Variants in PIGF observed in about 807,000 individuals in gnomAD.
PIGF encodes the protein phosphatidylinositol glycan anchor biosynthesis class F.
A neutral mutation model predicts 26.0 loss-of-function variants in PIGF; 23 were observed. That is an observed-to-expected ratio of 0.88 (90% CI 0.64 to 1.25). PIGF has a LOEUF of 1.25. Among genes scored for constraint, PIGF ranks in the 50% most tolerant of loss-of-function variants. PIGF has a pLI of 0.00. For missense variants in PIGF, 278 were observed against 249.9 expected (o/e 1.11, Z -0.76); for synonymous variants, 93 against 92.6 (o/e 1.00, Z -0.03).
At chr2:46,598,851 A>G (rs1180676677) in intron 4 of PIGF, among the ~76,000 whole-genome samples, 1 of 152,198 alleles carries the variant, frequency 6.6e-6, no homozygotes, top group Non-Finnish European at 1.5e-5. Context: ...CAATAACACT[A>G]TTTTTAAACA....
chr2:46,600,824 T>C (rs567394880), intron 4 of PIGF, among the ~76,000 whole-genome samples: 1 of 152,138 alleles, frequency 6.6e-6, no homozygotes, highest in East Asian at 1.9e-4. Flanking sequence ...AGGTAGATTA[T>C]ACACACACAC....
intron 4 of PIGF, among the ~76,000 whole-genome samples, chr2:46,600,644 A>G (rs1359217004): frequency 6.6e-6 from 1 of 152,168 alleles, no homozygotes; most frequent in East Asian, 1.9e-4. Context: ...GCCTGAGGAT[A>G]ATAACAAGGA....
chr2:46,592,348 T>G (rs1449203114), intron 5 of PIGF, 127 bp downstream of exon 5: 1 of 634,150 alleles, frequency 1.6e-6, no homozygotes, highest in African/African-American at 1.8e-5. Context: ...TTACAGTGAC[T>G]GATAGAAGTG....
chr2:46,594,443 G>A lies in PIGF; in HGVS notation c.438-1860C>T, dbSNP rs571001052. Reference sequence around the variant, plus strand: ...TCTTAAACTGGAGGACTGGAGAAAAGAGCTGCACTGCAGACAAGAGAACAC... The same window carrying A: ...TCTTAAACTGGAGGACTGGAGAAAAAAGCTGCACTGCAGACAAGAGAACAC... On this transcript the variant is annotated intron_variant, in intron 4 of 5. Transcript: ENST00000281382. Among the ~76,000 whole-genome samples, 10 of 151,726 alleles carry A rather than the reference G, an allele frequency of 6.6e-5. No homozygotes were observed. The South Asian group carries it at 2.1e-3, about 31-fold the overall frequency.
chr2:46,591,745 C>T (rs1378363223), intron 5 of PIGF: 8 of 1,167,938 alleles, frequency 6.8e-6, no homozygotes, highest in Non-Finnish European at 7.6e-6. Flanking sequence ...GGGAATGTTA[C>T]ATACCCTCTA....
Position 46,588,270 on chromosome 2 carries a change from T to G in PIGF, c.546+4205A>C, listed in dbSNP as rs1669638529. 1.3e-6 allele frequency: 2 copies of G among 1,515,498 alleles called. No individual in the cohort carries two copies. The highest frequency in any genetic ancestry group is 1.8e-6 in the Non-Finnish European group (2 of 1,126,334). The allele number at this position is 1,515,498 out of a possible 1,614,324, so 93.9% of individuals were successfully genotyped here. A position where few individuals can be genotyped will look rare whatever the true frequency, so the allele number is the denominator to read the frequency against. The stretch of plus-strand genomic sequence containing the variant: ...ACCAGAGAAATAGATAAATTAACAG[T>G]CCACTCTACCAACTGAAAGACTGCT... On this transcript the variant is annotated intron_variant, in intron 5 of 5. Coordinates refer to ENST00000281382, the MANE Select transcript of PIGF (RefSeq NM_002643.4). This position sits in a 1 kb window ranked among gnomAD's most constrained non-coding sequence, Gnocchi z 4.1.
chr2:46,595,025 A>G (rs1228014154), intron 4 of PIGF, among the ~76,000 whole-genome samples: 1 of 151,850 alleles, frequency 6.6e-6, no homozygotes, highest in Non-Finnish European at 1.5e-5. Context: ...TTTTTAGTAG[A>G]GATGGGGTTT....
intron 3 of PIGF, among the ~76,000 whole-genome samples, chr2:46,613,338 T>C (rs1670487108): frequency 6.6e-6 from 1 of 152,172 alleles, no homozygotes; most frequent in Non-Finnish European, 1.5e-5. Flanking sequence ...ATTCAAGTAC[T>C]TTAGAATCAC....
intron 5 of PIGF, chr2:46,591,563 C>T (rs1478872895): frequency 3.9e-5 from 37 of 938,572 alleles, no homozygotes; most frequent in Admixed American, 1.2e-4. Context: ...ATTCAAGAAG[C>T]TATAGATTCA....
intron 1 of PIGF, chr2:46,615,839 T>G (rs1236680320): frequency 1.3e-5 from 2 of 152,054 alleles, no homozygotes; most frequent in African/African-American, 4.8e-5. Context: ...AGGTGTTAAA[T>G]TCCAACCAAA....
chr2:46,610,081 C>T (rs909679134), intron 4 of PIGF, among the ~76,000 whole-genome samples: 8 of 152,164 alleles, frequency 5.3e-5, no homozygotes, highest in African/African-American at 1.4e-4. Context: ...CCATTTTAAA[C>T]GTGTAAAACT....
chr2:46,596,895 G>A (rs888275049), intron 4 of PIGF, among the ~76,000 whole-genome samples: 1 of 152,166 alleles, frequency 6.6e-6, no homozygotes, highest in Non-Finnish European at 1.5e-5. Flanking sequence ...GAACCACACA[G>A]TAAACCACAA....
intron 4 of PIGF, among the ~76,000 whole-genome samples, chr2:46,606,854 T>C (rs555398847): frequency 1.3e-5 from 2 of 152,352 alleles, no homozygotes; most frequent in South Asian, 4.1e-4. Context: ...AGAACCTAGA[T>C]GTCCATCAAC....
chr2:46,592,550 G>C lies in PIGF; in HGVS notation c.471C>G (p.Ile157Met), dbSNP rs1490349344. Residue 157 changes from isoleucine to methionine, a missense_variant, in exon 5 of 6, where the codon ATC (isoleucine) becomes ATG (methionine). By Grantham distance (10) the Ile-to-Met change is conservative (BLOSUM62 1). Coordinates refer to ENST00000281382, the MANE Select transcript of PIGF (RefSeq NM_002643.4). ...CTCCTACAAAGCTAGAAATTGTAGT[G>C]ATCTGGAGACTATTCTCCCATATGG... Reference protein sequence around the residue: ...VTSIWENSLQITTISSFVGAW... With the variant: ...VTSIWENSLQMTTISSFVGAW... The C allele has an allele frequency of 6.2e-7, 1 of 1,604,614 alleles. No homozygotes were observed. Among genetic ancestry groups the C allele is most frequent in the Non-Finnish European group, 8.5e-7 (1 of 1,171,442 alleles).
At position 46,613,700 on chromosome 2, in the gene PIGF, A is replaced by G. The variant is rs766560997; in HGVS notation, c.314T>C (p.Leu105Pro). 5 of 1,535,024 alleles carry G rather than the reference A, an allele frequency of 3.3e-6. No homozygotes were observed. The highest frequency in any genetic ancestry group is 4.4e-6 in the Non-Finnish European group (5 of 1,129,762). The change falls in exon 3 of 6, where the codon CTG (leucine) becomes CCG (proline). Residue 105 changes from leucine to proline, a missense_variant. Coordinates refer to ENST00000281382, the MANE Select transcript of PIGF (RefSeq NM_002643.4). ...HVIFVLYGAP[L>P]IELALETFLF... ...GTAAAAATTTCAAACTTACTCTATC[A>G]GTGGTGCTCCATACAGAACAAAAAT...
intron 5 of PIGF, among the ~76,000 whole-genome samples, chr2:46,590,942 A>G (rs1376206100): frequency 1.3e-5 from 2 of 152,240 alleles, no homozygotes; most frequent in Non-Finnish European, 2.9e-5. Context: ...GAAAGCACAA[A>G]GAATAGAGCT....
At chr2:46,615,336 CA>C (rs1459577441) in intron 1 of PIGF, 151 bp from the exon 2 acceptor site, 24 of 523,310 alleles carry the variant, frequency 4.6e-5, no homozygotes, top group African/African-American at 4.6e-4. Flanking sequence ...TGTAGATGCA[CA>C]TACAGACTTA....
intron 4 of PIGF, among the ~76,000 whole-genome samples, chr2:46,599,553 G>A (rs1285346401): frequency 6.6e-6 from 1 of 151,972 alleles, no homozygotes; most frequent in Non-Finnish European, 1.5e-5. Flanking sequence ...GCTAAAACCT[G>A]ACTTTCTAAT....
At chr2:46,592,723 T>C in intron 4 of PIGF, 140 bp from the exon 5 acceptor site, 3 of 587,906 alleles carry the variant, frequency 5.1e-6, no homozygotes, top group Non-Finnish European at 9.4e-6. Flanking sequence ...ATATACATAT[T>C]TACCATGAAC....
Sources: gnomAD v4.1 joint callset for allele counts (sites outside exome capture counted in the v4.1 genomes callset) on GRCh38, gnomAD v4.1.1 for gene constraint, Gnocchi (gnomAD v3.1) non-coding constraint, MANE v1.5 for transcripts, NCBI Gene and HGNC (gene_info 2026-07-23, HGNC 2026-07-21) for gene names.